Variants in PTPRC observed in about 807,000 individuals in gnomAD.
The protein encoded by PTPRC is protein tyrosine phosphatase receptor type C.
PTPRC carries 44 observed loss-of-function variants against 155.9 expected under a neutral mutation model. That is an observed-to-expected ratio of 0.28 (90% CI 0.22 to 0.36). PTPRC has a LOEUF of 0.36. PTPRC is among the 10% of genes least tolerant of loss of function. The pLI, the probability that PTPRC is intolerant of heterozygous loss-of-function variation, is 1.00. For synonymous variants in PTPRC, 525 were observed against 533.1 expected (o/e 0.98, Z 0.21); for missense variants, 1,401 against 1,564.6 (o/e 0.90, Z 1.76).
intron 15 of PTPRC, among the ~76,000 whole-genome samples, chr1:198,725,860 C>T (rs375294884): frequency 6.6e-6 from 1 of 152,168 alleles, no homozygotes; most frequent in East Asian, 1.9e-4. Flanking sequence ...TTGATTTAGG[C>T]TGTGGCCTCC....
chr1:198,715,602 G>C (rs1653547523), intron 12 of PTPRC, among the ~76,000 whole-genome samples: 1 of 151,464 alleles, frequency 6.6e-6, no homozygotes, highest in Non-Finnish European at 1.5e-5. Flanking sequence ...CCACCATGAT[G>C]TTGCTGGAAA....
chr1:198,651,066 C>T (rs1303906453), intron 2 of PTPRC, among the ~76,000 whole-genome samples: 1 of 151,548 alleles, frequency 6.6e-6, no homozygotes, highest in East Asian at 1.9e-4. Flanking sequence ...GATGTCTTTA[C>T]CTAATATATC....
chr1:198,756,191 T>A lies in PTPRC; in HGVS notation c.*10T>A. On this transcript the variant is annotated 3_prime_UTR_variant, in exon 33 of 33. Transcript: ENST00000442510. The stretch of plus-strand genomic sequence containing the variant: ...AAATCAAGGTTCATAGGAAAAGACA[T>A]AAATGAGGAAACTCCAAACCTCCTG... 3 of 1,612,836 alleles carry A rather than the reference T, an allele frequency of 1.9e-6. No homozygotes were observed. The highest frequency in any genetic ancestry group is 1.7e-6 in the Non-Finnish European group (2 of 1,179,398).
rs1408904771 is a variant in PTPRC at position 198,752,326 on chromosome 1, A to G, written c.3285A>G (p.Lys1095=). ...DIEVDLKDTD[K]SSTYTLRVFE... is the part of the protein sequence containing the mutation. ...AAGTTGACCTGAAAGACACAGACAAATCTTCAACTTATACCCTTCGTGTCT... is the reference window on the plus strand; with the variant it reads ...AAGTTGACCTGAAAGACACAGACAAGTCTTCAACTTATACCCTTCGTGTCT... Residue 1095 remains lysine, a synonymous_variant, in exon 30 of 33, where the codon AAA becomes AAG. Transcript: ENST00000442510. The G allele has an allele frequency of 6.2e-7, 1 of 1,612,632 alleles. No homozygotes were observed. Among genetic ancestry groups the G allele is most frequent in the South Asian group, 1.1e-5 (1 of 91,064 alleles).
chr1:198,734,461 G>C, intron 22 of PTPRC, 36 bp downstream of exon 22: 1 of 1,587,392 alleles, frequency 6.3e-7, no homozygotes, highest in East Asian at 2.2e-5. Flanking sequence ...TGGGTCTTGG[G>C]GTTAGGAAAA....
chr1:198,731,706 CTT>C lies in PTPRC; in HGVS notation c.1958_1959del (p.Phe653SerfsTer3), dbSNP rs1346325559. ...GAGGAAGATTGCTGATGAAGGAAGA[CTT>C]TTTCTGGCTGAATTTCAGGTGTGTG... is the stretch of plus-strand genomic sequence containing the variant. ...YKRKIADEGR[L>X]FLAEFQSIPR... is the part of the protein sequence containing the mutation. On this transcript the variant is annotated frameshift_variant, in exon 18 of 33. Transcript: ENST00000442510. LOFTEE classifies it high-confidence loss of function. 1 of 1,605,526 alleles carries C rather than the reference CTT, an allele frequency of 6.2e-7. No homozygotes were observed. The highest frequency in any genetic ancestry group is 8.5e-7 in the Non-Finnish European group (1 of 1,172,724).
Position 198,755,887 on chromosome 1 carries a change from C to G in PTPRC, c.3646-19C>G, listed in dbSNP as rs1036061395. 1 of 1,596,624 alleles carries G rather than the reference C, an allele frequency of 6.3e-7. No homozygotes were observed. Among genetic ancestry groups the G allele is most frequent in the African/African-American group, 1.3e-5 (1 of 74,416 alleles). On this transcript the variant is annotated intron_variant, in intron 32 of 32. Coordinates refer to ENST00000442510, the MANE Select transcript of PTPRC (RefSeq NM_002838.5). ...CATCAACTTTCTTCATGTAATTTCC[C>G]ACTTAATTCCTTTACTAGGAGCAAT... is the stretch of plus-strand genomic sequence containing the variant.
intron 12 of PTPRC, 51 bp from the exon 13 acceptor site, chr1:198,716,631 G>C: frequency 6.6e-7 from 1 of 1,505,266 alleles, no homozygotes; most frequent in Non-Finnish European, 9.2e-7. Context: ...TAGGTACGTG[G>C]TAGTACTGAC....
intron 26 of PTPRC, 64 bp from the exon 27 acceptor site, chr1:198,748,045 T>TATG: frequency 6.5e-7 from 1 of 1,548,478 alleles, no homozygotes; most frequent in African/African-American, 1.4e-5. Flanking sequence ...GGGAGCATCT[T>TATG]ATGATGCAAT....
At position 198,663,496 on chromosome 1, in the gene PTPRC, A is replaced by G. The variant is rs1050084540; in HGVS notation, c.73+24155A>G. Among the ~76,000 whole-genome samples the G allele has an allele frequency of 5.3e-5, 8 of 152,360 alleles. No homozygotes were observed. In the South Asian group the frequency reaches 1.2e-3, roughly 24 times the overall value. ...ATTGAGGTACTGGCAAGCTTCTGGA[A>G]GTAGTTGAAGAAGACTTCAGTTAGA... On this transcript the variant is annotated intron_variant, in intron 2 of 32. Transcript: ENST00000442510.
intron 26 of PTPRC, among the ~76,000 whole-genome samples, chr1:198,744,928 G>A (rs1197377622): frequency 6.6e-6 from 1 of 151,702 alleles, no homozygotes; most frequent in African/African-American, 2.4e-5. Flanking sequence ...GGGGGTGGAG[G>A]TGGAGCATGC....
At chr1:198,673,976 A>G (rs1664796206) in intron 2 of PTPRC, among the ~76,000 whole-genome samples, 1 of 152,270 alleles carries the variant, frequency 6.6e-6, no homozygotes, top group South Asian at 2.1e-4. Flanking sequence ...GCTAAAAACC[A>G]TAAAAACAAG....
rs187702627 is a variant in PTPRC at position 198,659,737 on chromosome 1, T to C, written c.73+20396T>C. Among the ~76,000 whole-genome samples the C allele has an allele frequency of 7.0e-3, 1,059 of 151,872 alleles. 4 individuals are homozygous for C. Among genetic ancestry groups the C allele is most frequent in the Non-Finnish European group, 9.6e-3 (653 of 67,914 alleles). ...TTAGTAGAGACAGGGATTTTCTATG[T>C]TGTTCAGGCTGGTCTCGAGCTCCCA... On this transcript the variant is annotated intron_variant, in intron 2 of 32. Transcript: ENST00000442510.
At chr1:198,644,952 T>C (rs957736840) in intron 2 of PTPRC, among the ~76,000 whole-genome samples, 1 of 151,836 alleles carries the variant, frequency 6.6e-6, no homozygotes, top group African/African-American at 2.4e-5. Flanking sequence ...AGGGTATTTA[T>C]TATAAAACTG....
At position 198,754,139 on chromosome 1, in the gene PTPRC, A is replaced by G. The variant is rs1655512897; in HGVS notation, c.3510-130A>G. ...TAGCGTAAATAATTTGGTTCTTGAA[A>G]GAGGTTGGAATAAGATAATTATGAT... On this transcript the variant is annotated intron_variant, in intron 31 of 32. Transcript: ENST00000442510. The G allele has an allele frequency of 2.7e-6, 3 of 1,129,830 alleles. No homozygotes were observed. The African/African-American group carries it at 4.7e-5, about 18-fold the overall frequency. The allele number at this position is 1,129,830 out of a possible 1,614,324, so 70.0% of individuals were successfully genotyped here.
chr1:198,752,394 A>G (rs372363633), intron 30 of PTPRC, 23 bp downstream of exon 30: 78 of 1,611,596 alleles, frequency 4.8e-5, no homozygotes, highest in Non-Finnish European at 6.5e-5. Context: ...TTTGGGGAGT[A>G]TATTTCTTTG....
chr1:198,674,368 AT>A (rs1292430577), intron 2 of PTPRC, among the ~76,000 whole-genome samples: 1 of 152,076 alleles, frequency 6.6e-6, no homozygotes, highest in African/African-American at 2.4e-5. Flanking sequence ...AAGCTTTATT[AT>A]ATTTTTTAAA....
rs984977383 is a variant in PTPRC at position 198,694,639 on chromosome 1, A to G, written c.101-2073A>G. The G allele has an allele frequency of 1.2e-4, 115 of 984,960 alleles. No individual in the cohort carries two copies. In the African/African-American group the frequency reaches 1.9e-3, roughly 16 times the overall value. The allele number at this position is 984,960 out of a possible 1,614,324, so 61.0% of individuals were successfully genotyped here. On this transcript the variant is annotated intron_variant, in intron 3 of 32. Transcript: ENST00000442510. ...CCAGAATTGGTTTAACCTAAAAATA[A>G]CAAATTAATAATTATCAAGTCTATA...
At chr1:198,677,197 C>T (rs901720601) in intron 2 of PTPRC, among the ~76,000 whole-genome samples, 3 of 152,156 alleles carry the variant, frequency 2.0e-5, no homozygotes, top group African/African-American at 7.2e-5. Flanking sequence ...AATACATAGC[C>T]TCATCTCCAA....
Sources: gnomAD v4.1 joint callset for allele counts (sites outside exome capture counted in the v4.1 genomes callset) on GRCh38, gnomAD v4.1.1 for gene constraint, MANE v1.5 for transcripts, NCBI Gene and HGNC (gene_info 2026-07-23, HGNC 2026-07-21) for gene names.